Variants in ZNF214 observed in about 807,000 individuals in gnomAD.
ZNF214 encodes BWSCR2-associated zinc finger protein 1.
ZNF214 carries 43 observed loss-of-function variants against 53.9 expected under a neutral mutation model. The ratio of observed to expected loss-of-function variants is 0.80; its 90% confidence interval spans 0.63 to 1.03. The LOEUF (loss-of-function observed/expected upper bound fraction) is 1.03, where lower values mean the gene tolerates loss of function less well. Ranked by LOEUF, ZNF214 falls within the 50% of genes least tolerant of loss-of-function variation. ZNF214 has a pLI of 0.00. For synonymous variants in ZNF214, 217 were observed against 229.5 expected (o/e 0.95, Z 0.49); for missense variants, 724 against 719.1 (o/e 1.01, Z -0.08).
chr11:7,003,018 T>C (rs1434570305), intron 1 of ZNF214, among the ~76,000 whole-genome samples, 163 bp from the exon 2 acceptor site: 1 of 151,928 alleles, frequency 6.6e-6, no homozygotes, highest in Non-Finnish European at 1.5e-5. Context: ...CTAAATAATA[T>C]ATCCAATCAT....
chr11:7,006,299 T>C (rs1469292653), intron 1 of ZNF214, among the ~76,000 whole-genome samples: 1 of 152,066 alleles, frequency 6.6e-6, no homozygotes, highest in Non-Finnish European at 1.5e-5. Flanking sequence ...CCACTCCTTT[T>C]TTGGTATATA....
At chr11:7,014,190 A>T (rs1851688802) in intron 1 of ZNF214, among the ~76,000 whole-genome samples, 1 of 152,230 alleles carries the variant, frequency 6.6e-6, no homozygotes, top group South Asian at 2.1e-4. Flanking sequence ...GATCCAAGAA[A>T]ATCAGCTGAA....
intron 1 of ZNF214, among the ~76,000 whole-genome samples, chr11:7,003,704 G>A (rs1388707650): frequency 6.6e-6 from 1 of 151,936 alleles, no homozygotes; most frequent in Non-Finnish European, 1.5e-5. Flanking sequence ...ATGTGTTAAT[G>A]AAGAAGGGCA....
rs1371684421 is a variant in ZNF214, at chr11:7,005,147, ATAAT to A, written c.-20-2296_-20-2293del. On this transcript the variant is annotated intron_variant, in intron 1 of 2. Coordinates refer to ENST00000278314, the MANE Select transcript of ZNF214 (RefSeq NM_013249.4). Reference sequence around the variant, plus strand: ...GATAATGTCTATATGATAAATATAAATAATTCTATATGACAAATAGATATATTTC... The same window carrying A: ...GATAATGTCTATATGATAAATATAAATCTATATGACAAATAGATATATTTC... Among the ~76,000 whole-genome samples, 156 of 151,954 alleles carry A rather than the reference ATAAT, an allele frequency of 1.0e-3. 1 individual carries two copies. The highest frequency in any genetic ancestry group is 3.7e-3 in the African/African-American group (155 of 41,518).
At chr11:7,018,256 G>A (rs1851821701) in intron 1 of ZNF214, among the ~76,000 whole-genome samples, 1 of 151,996 alleles carries the variant, frequency 6.6e-6, no homozygotes, top group Non-Finnish European at 1.5e-5. Flanking sequence ...CCACAATGTG[G>A]CTTTATACAT....
chr11:7,013,976 TACAG>T (rs1427177606), intron 1 of ZNF214, among the ~76,000 whole-genome samples: 2 of 152,180 alleles, frequency 1.3e-5, no homozygotes, highest in Non-Finnish European at 2.9e-5. Context: ...CATTTAAAAC[TACAG>T]ACAAAGCATG....
At chr11:7,015,949 C>G (rs1244845411) in intron 1 of ZNF214, 2 of 151,694 alleles carry the variant, frequency 1.3e-5, no homozygotes, top group African/African-American at 4.8e-5. Flanking sequence ...GCATTTTACA[C>G]ATGACAAAGG....
rs569049425 is a variant in ZNF214, at chr11:7,002,387, T to C, written c.127+322A>G. 3.9e-5 allele frequency among the ~76,000 whole-genome samples: 6 copies of C among 152,086 alleles called. No individual in the cohort carries two copies. The East Asian group carries it at 9.7e-4, about 25-fold the overall frequency. ...CCACTAAGTCTGGCATAGTATGTTA[T>C]ACAACAAAAGCTAACTTATACAAAT... On this transcript the variant is annotated intron_variant, in intron 2 of 2. Transcript: ENST00000278314.
At chr11:7,016,679 T>C (rs941293441) in intron 1 of ZNF214, among the ~76,000 whole-genome samples, 3 of 152,152 alleles carry the variant, frequency 2.0e-5, no homozygotes, top group Non-Finnish European at 4.4e-5. Context: ...AATTTGTATA[T>C]GAAAAGGTAG....
chr11:7,016,226 A>G (rs182740235), intron 1 of ZNF214, among the ~76,000 whole-genome samples: 3 of 152,304 alleles, frequency 2.0e-5, no homozygotes, highest in African/African-American at 7.2e-5. Context: ...CCTACACAGC[A>G]GCTGTTATTT....
At chr11:7,005,681 T>C (rs998251800) in intron 1 of ZNF214, among the ~76,000 whole-genome samples, 1 of 152,138 alleles carries the variant, frequency 6.6e-6, no homozygotes, top group Admixed American at 6.6e-5. Flanking sequence ...TCAGGTGCTG[T>C]CAGCCCAGTC....
At chr11:7,011,847 AAAGT>A (rs1851613270) in intron 1 of ZNF214, among the ~76,000 whole-genome samples, 1 of 152,150 alleles carries the variant, frequency 6.6e-6, no homozygotes. Flanking sequence ...CAACTACTAG[AAAGT>A]AAGATACCAT....
chr11:7,017,433 T>A (rs1851795212), intron 1 of ZNF214, among the ~76,000 whole-genome samples: 1 of 152,186 alleles, frequency 6.6e-6, no homozygotes, highest in Admixed American at 6.5e-5. Flanking sequence ...TATTATAAGA[T>A]ATTTATAACA....
In ZNF214 at chr11:6,999,805, A is replaced by C; in HGVS notation, c.*57T>G. The C allele has an allele frequency of 6.7e-7, 1 of 1,498,482 alleles. No individual in the cohort carries two copies. The highest frequency in any genetic ancestry group is 8.9e-7 in the Non-Finnish European group (1 of 1,121,428). 92.8% of individuals were successfully genotyped at this position (1,498,482 alleles called of 1,614,324 possible). A position where few individuals can be genotyped will look rare whatever the true frequency, so the allele number is the denominator to read the frequency against. On this transcript the variant is annotated 3_prime_UTR_variant, in exon 3 of 3. Coordinates refer to ENST00000278314, the MANE Select transcript of ZNF214 (RefSeq NM_013249.4). ...TAAGATTTCCTTAACAGCAGGATTT[A>C]TAGGGTTTAAAGGTTAGGTAAACTT...
At chr11:7,018,048 TAA>T (rs954889787) in intron 1 of ZNF214, among the ~76,000 whole-genome samples, 8 of 152,324 alleles carry the variant, frequency 5.3e-5, no homozygotes, top group Non-Finnish European at 1.2e-4. Flanking sequence ...TGCATATACC[TAA>T]GTTTATATTT....
intron 2 of ZNF214, among the ~76,000 whole-genome samples, chr11:7,001,998 C>G (rs1192687955): frequency 6.6e-6 from 1 of 152,000 alleles, no homozygotes; most frequent in Non-Finnish European, 1.5e-5. Context: ...TAACTCACTA[C>G]TTTACCTACA....
chr11:7,019,922 C>G (rs4758151), intron 1 of ZNF214, among the ~76,000 whole-genome samples, 151 bp downstream of exon 1: 149,590 of 152,124 alleles, frequency 0.98, 73,609 homozygotes, highest in Middle Eastern at 1. Flanking sequence ...TCCCGGTCTC[C>G]GCCACAGACC....
chr11:7,001,695 T>A, intron 2 of ZNF214, 140 bp from the exon 3 acceptor site: 1 of 900,074 alleles, frequency 1.1e-6, no homozygotes, highest in Non-Finnish European at 1.6e-6. Flanking sequence ...CTCTGCCTGC[T>A]CCATTTGGGT....
intron 1 of ZNF214, among the ~76,000 whole-genome samples, chr11:7,005,376 T>C (rs567030612): frequency 6.6e-6 from 1 of 152,044 alleles, no homozygotes; most frequent in East Asian, 1.9e-4. Flanking sequence ...AAGAATTATA[T>C]AAACAATAAA....
Sources: allele counts gnomAD v4.1 joint callset (sites outside exome capture counted in the v4.1 genomes callset), GRCh38; gene constraint gnomAD v4.1.1; transcripts MANE v1.5; gene names NCBI Gene and HGNC (gene_info 2026-07-23, HGNC 2026-07-21).